TUBB3: variants seen among roughly 807,000 people sequenced by gnomAD.
TUBB3 encodes the protein tubulin beta-3 chain.
In TUBB3, 17 loss-of-function variants were observed where a neutral mutation model predicts 37.8. That is an observed-to-expected ratio of 0.45 (90% CI 0.31 to 0.67). TUBB3 has a LOEUF of 0.67. Among genes scored for constraint, TUBB3 ranks in the 30% least tolerant of loss-of-function variants. The pLI is 0.07. For synonymous variants in TUBB3, 332 were observed against 278.9 expected (o/e 1.19, Z -1.90); for missense variants, 262 against 657.9 (o/e 0.40, Z 6.58).
intron 1 of TUBB3, among the ~76,000 whole-genome samples, chr16:89,927,218 TAAA>T (rs2030117834): frequency 6.6e-6 from 1 of 150,946 alleles, no homozygotes; most frequent in Non-Finnish European, 1.5e-5. Flanking sequence ...CTACAAAAAA[TAAA>T]AAACAAAAAA....
chr16:89,924,498 C>T (rs1254610620), intron 1 of TUBB3, among the ~76,000 whole-genome samples: 1 of 151,818 alleles, frequency 6.6e-6, no homozygotes, highest in Admixed American at 6.6e-5. Flanking sequence ...AGGACCAAGG[C>T]CAGGGACCCA....
At chr16:89,930,485 G>C (rs888609133) in intron 1 of TUBB3, among the ~76,000 whole-genome samples, 1 of 151,008 alleles carries the variant, frequency 6.6e-6, no homozygotes, top group African/African-American at 2.4e-5. Flanking sequence ...GTACAGTGGT[G>C]CAATCTTGGC....
At chr16:89,932,795 G>A in intron 2 of TUBB3, 116 bp downstream of exon 2, 1 of 840,538 alleles carries the variant, frequency 1.2e-6, no homozygotes, top group Admixed American at 2.0e-5. Flanking sequence ...GTCCTCCCAT[G>A]GGTTAGGTTG....
intron 1 of TUBB3, among the ~76,000 whole-genome samples, chr16:89,924,465 C>G (rs77692272): frequency 0.071 from 10,002 of 140,882 alleles, 556 homozygotes; most frequent in East Asian, 0.27. Flanking sequence ...AACAGGGGAT[C>G]GGGGGGGGAG....
Position 89,934,970 on chromosome 16 carries a change from C to G in TUBB3, c.519C>G (p.Pro173=). ...ACACCTTCAGCGTCGTGCCCTCACC[C>G]AAGGTGTCAGACACGGTGGTGGAGC... ...IMNTFSVVPS[P]KVSDTVVEPY... is the part of the protein sequence containing the mutation. The change falls in exon 4 of 4, where the codon CCC becomes CCG. Residue 173 remains proline, a synonymous_variant. Coordinates refer to ENST00000315491, the MANE Select transcript of TUBB3 (RefSeq NM_006086.4). 4 of 1,614,180 alleles carry G rather than the reference C, an allele frequency of 2.5e-6. No individual in the cohort carries two copies. The highest frequency in any genetic ancestry group is 3.4e-6 in the Non-Finnish European group (4 of 1,180,028).
At position 89,932,510 on chromosome 16, in the gene TUBB3, G is replaced by A. The variant is rs554643382; in HGVS notation, c.58-61G>A. The A allele has an allele frequency of 3.5e-6, 5 of 1,442,054 alleles. 1 individual carries two copies. Among genetic ancestry groups the A allele is most frequent in the East Asian group, 4.5e-5 (2 of 44,044 alleles). 89.3% of individuals were successfully genotyped at this position (1,442,054 alleles called of 1,614,324 possible). A position where few individuals can be genotyped will look rare whatever the true frequency, so the allele number is the denominator to read the frequency against. On this transcript the variant is annotated intron_variant, in intron 1 of 3. Coordinates refer to ENST00000315491, the MANE Select transcript of TUBB3 (RefSeq NM_006086.4). ...GTGAGGGCTAAAAGGCTTCACAAGG[G>A]AAAGGGCCTGGCTGGGGCTATGGGC...
At chr16:89,933,005 T>C in intron 2 of TUBB3, 1 of 495,338 alleles carries the variant, frequency 2.0e-6, no homozygotes, top group South Asian at 2.0e-5. Context: ...CCTGGAGGGC[T>C]TAGTCAGGGG....
intron 1 of TUBB3, chr16:89,931,539 G>C (rs59001570): frequency 0.21 from 28,123 of 133,714 alleles, 5,185 homozygotes; most frequent in African/African-American, 0.53. Context: ...TCCCTGAAGG[G>C]CTTGCTCTCA....
At position 89,932,733 on chromosome 16, in the gene TUBB3, C is replaced by T. The variant is rs138845177; in HGVS notation, c.166+54C>T. 486 of 1,438,232 alleles carry T rather than the reference C, an allele frequency of 3.4e-4. 2 individuals are homozygous for T. The African/African-American group carries it at 5.3e-3, about 16-fold the overall frequency. 89.1% of individuals were successfully genotyped at this position (1,438,232 alleles called of 1,614,324 possible). On this transcript the variant is annotated intron_variant, in intron 2 of 3. Coordinates refer to ENST00000315491, the MANE Select transcript of TUBB3 (RefSeq NM_006086.4). ...CAGCCCTGGACTGACCAGGTCTCAG[C>T]GTCTGACTGACCAGGTCTCAGCACC...
chr16:89,935,738 G>A lies in TUBB3; in HGVS notation c.1287G>A (p.Thr429=), dbSNP rs142238093. ...AGTACCAGCAGTACCAGGACGCCAC[G>A]GCCGAGGAAGAGGGCGAGATGTACG... The part of the protein sequence containing the change: ...VSEYQQYQDA[T]AEEEGEMYED... Residue 429 remains threonine, a synonymous_variant, in exon 4 of 4, where the codon ACG becomes ACA. Transcript: ENST00000315491. 353 of 1,613,934 alleles carry A rather than the reference G, an allele frequency of 2.2e-4. No homozygotes were observed. Among genetic ancestry groups the A allele is most frequent in the African/African-American group, 1.0e-3 (77 of 75,060 alleles).
At chr16:89,922,654 C>T (rs1262451459), upstream of TUBB3, 1 of 152,272 alleles carries the variant, frequency 6.6e-6, no homozygotes, top group Non-Finnish European at 1.5e-5. Context: ...TGTGCGCGCC[C>T]GGGCCCACAA....
chr16:89,926,613 G>T (rs1043920000), intron 1 of TUBB3, among the ~76,000 whole-genome samples: 1 of 152,258 alleles, frequency 6.6e-6, no homozygotes, highest in African/African-American at 2.4e-5. Flanking sequence ...TGGCTCTGTC[G>T]CCCGGGCTGG....
Position 89,932,533 on chromosome 16 carries a change from G to C in TUBB3, c.58-38G>C, listed in dbSNP as rs185068590. On this transcript the variant is annotated intron_variant, in intron 1 of 3. Transcript: ENST00000315491. ...GGGAAAGGGCCTGGCTGGGGCTATG[G>C]GCCGGTGCCGACCCCCCCTCTCCCA... 57 of 1,567,886 alleles carry C rather than the reference G, an allele frequency of 3.6e-5. No homozygotes were observed. In the African/African-American group the frequency reaches 7.3e-4, roughly 20 times the overall value.
intron 2 of TUBB3, 80 bp downstream of exon 2, chr16:89,932,759 T>C: frequency 2.6e-6 from 3 of 1,156,854 alleles, no homozygotes; most frequent in Non-Finnish European, 3.8e-6. Flanking sequence ...TCTCAGCACC[T>C]GGACTCACCA....
At chr16:89,931,963 C>A in intron 1 of TUBB3, 1 of 303,048 alleles carries the variant, frequency 3.3e-6, no homozygotes, top group Non-Finnish European at 6.9e-6. Flanking sequence ...CATTTGGGAC[C>A]CCAAGGACCC....
chr16:89,934,669 T>G, intron 3 of TUBB3, 60 bp from the exon 4 acceptor site: 1 of 1,538,654 alleles, frequency 6.5e-7, no homozygotes, highest in Non-Finnish European at 9.0e-7. Flanking sequence ...AGGCAGGGGC[T>G]GGAGGTCTGG....
In TUBB3 at chr16:89,933,589, C is replaced by T; in HGVS notation, c.277+11C>T. 4 of 1,607,680 alleles carry T rather than the reference C, an allele frequency of 2.5e-6. No homozygotes were observed. The highest frequency in any genetic ancestry group is 1.1e-5 in the South Asian group (1 of 90,954). Reference sequence around the variant, plus strand: ...ACAATTTCATCTTTGGTAAGTTCCCCCTGCTCCAAGCTCTGATGGCAGACC... The same window carrying T: ...ACAATTTCATCTTTGGTAAGTTCCCTCTGCTCCAAGCTCTGATGGCAGACC... On this transcript the variant is annotated intron_variant, in intron 3 of 3. Coordinates refer to ENST00000315491, the MANE Select transcript of TUBB3 (RefSeq NM_006086.4).
chr16:89,935,492 C>A lies in TUBB3; in HGVS notation c.1041C>A (p.Asn347Lys). Residue 347 changes from asparagine (N) to lysine (K), a missense_variant, in exon 4 of 4, where the codon AAC becomes AAA. Transcript: ENST00000315491. ...NSSYFVEWIP[N>K]NVKVAVCDIP... ...GCTACTTCGTGGAGTGGATCCCCAA[C>A]AACGTGAAGGTGGCCGTGTGTGACA... 6.2e-7 allele frequency: 1 copy of A among 1,614,228 alleles called. No individual in the cohort carries two copies. Among genetic ancestry groups the A allele is most frequent in the Non-Finnish European group, 8.5e-7 (1 of 1,180,052 alleles).
intron 1 of TUBB3, chr16:89,931,688 C>T (rs906969140): frequency 1.5e-5 from 3 of 199,290 alleles, no homozygotes; most frequent in African/African-American, 2.3e-5. Flanking sequence ...CAGATGAGGA[C>T]ACTGAGACAC....
Sources: allele counts gnomAD v4.1 joint callset (sites outside exome capture counted in the v4.1 genomes callset), GRCh38; gene constraint gnomAD v4.1.1; transcripts MANE v1.5; gene names NCBI Gene and HGNC (gene_info 2026-07-23, HGNC 2026-07-21).